The following FBXO36 variants were observed in gnomAD, a reference collection of about 807,000 sequenced individuals.
FBXO36 encodes F-box only protein 36.
Under a neutral mutation model 17.0 loss-of-function variants are expected in FBXO36, and 18 were observed. The ratio of observed to expected loss-of-function variants is 1.06; its 90% confidence interval spans 0.73 to 1.57. The LOEUF (loss-of-function observed/expected upper bound fraction) is 1.57, where lower values mean the gene tolerates loss of function less well. Ranked by LOEUF, FBXO36 falls within the 40% of genes most tolerant of loss-of-function variation. The pLI is 0.00. For synonymous variants in FBXO36, 83 were observed against 85.3 expected (o/e 0.97, Z 0.15); for missense variants, 229 against 221.9 (o/e 1.03, Z -0.20).
At chr2:229,975,092 A>G (rs955643838) in intron 1 of FBXO36, among the ~76,000 whole-genome samples, 1 of 152,238 alleles carries the variant, frequency 6.6e-6, no homozygotes, top group Non-Finnish European at 1.5e-5. Context: ...TGACACTGCC[A>G]TGAAATCAAC....
intron 3 of FBXO36, among the ~76,000 whole-genome samples, chr2:229,997,344 G>A (rs1215220862): frequency 1.3e-5 from 2 of 151,586 alleles, no homozygotes; most frequent in South Asian, 2.1e-4. Flanking sequence ...TTGGGAGGCC[G>A]AGGTGGGTGG....
intron 1 of FBXO36, among the ~76,000 whole-genome samples, chr2:229,966,872 T>A (rs367614515): frequency 1.3e-5 from 2 of 152,242 alleles, no homozygotes; most frequent in East Asian, 3.8e-4. Flanking sequence ...GAGCTCTTTT[T>A]TGGTTCCATA....
intron 1 of FBXO36, among the ~76,000 whole-genome samples, chr2:229,955,213 T>C (rs1420441751): frequency 6.6e-6 from 1 of 152,156 alleles, no homozygotes; most frequent in Non-Finnish European, 1.5e-5. Flanking sequence ...CTTTTCCTTG[T>C]TTATTTTTCT....
At chr2:229,927,328 A>G (rs982455336) in intron 1 of FBXO36, among the ~76,000 whole-genome samples, 1 of 152,144 alleles carries the variant, frequency 6.6e-6, no homozygotes, top group African/African-American at 2.4e-5. Context: ...TTCATGACCA[A>G]TTGGCAAGTT....
intron 2 of FBXO36, among the ~76,000 whole-genome samples, chr2:229,991,793 G>T (rs1050913533): frequency 5.3e-5 from 8 of 152,160 alleles, no homozygotes; most frequent in Non-Finnish European, 7.3e-5. Context: ...TGACTCTTGA[G>T]TGACAACACT....
intron 3 of FBXO36, among the ~76,000 whole-genome samples, chr2:229,999,416 C>T (rs1423758241): frequency 1.3e-5 from 2 of 150,992 alleles, no homozygotes; most frequent in East Asian, 1.9e-4. Context: ...TGTGAGCCAC[C>T]GCGCCCGGCC....
chr2:229,955,688 A>C (rs899784287), intron 1 of FBXO36, among the ~76,000 whole-genome samples: 1 of 152,216 alleles, frequency 6.6e-6, no homozygotes, highest in Admixed American at 6.5e-5. Flanking sequence ...TGATTGCTCA[A>C]GCACACCATT....
intron 1 of FBXO36, among the ~76,000 whole-genome samples, chr2:229,934,548 A>G (rs2076954743): frequency 6.6e-6 from 1 of 152,112 alleles, no homozygotes; most frequent in Admixed American, 6.5e-5. Flanking sequence ...TGTTTGGAAA[A>G]CCAGTCAGCA....
intron 3 of FBXO36, among the ~76,000 whole-genome samples, chr2:230,005,063 A>G (rs867983165): frequency 3.9e-5 from 6 of 152,280 alleles, no homozygotes; most frequent in Middle Eastern, 3.4e-3. Context: ...AAAAATTGCC[A>G]TAGGATATCA....
intron 1 of FBXO36, among the ~76,000 whole-genome samples, chr2:229,974,534 A>G (rs1418623477): frequency 6.6e-6 from 1 of 152,170 alleles, no homozygotes; most frequent in African/African-American, 2.4e-5. Context: ...GGTATGCAAG[A>G]TATGAGGCCA....
At chr2:229,963,437 C>CTTTATTCT (rs2077134557) in intron 1 of FBXO36, among the ~76,000 whole-genome samples, 1 of 138,230 alleles carries the variant, frequency 7.2e-6, no homozygotes, top group African/African-American at 2.8e-5. Context: ...CTTTGCATTT[C>CTTTATTCT]TTTTTTCTTT....
chr2:229,938,219 T>TTTC (rs2076976081), intron 1 of FBXO36, among the ~76,000 whole-genome samples: 2 of 134,040 alleles, frequency 1.5e-5, no homozygotes, highest in African/African-American at 5.7e-5. Flanking sequence ...CAACTTTCTT[T>TTTC]TTTTTTTTTT....
chr2:229,980,481 G>A (rs2077232837), intron 2 of FBXO36, among the ~76,000 whole-genome samples: 1 of 152,042 alleles, frequency 6.6e-6, no homozygotes, highest in South Asian at 2.1e-4. Context: ...CTGGAGATGG[G>A]GATTTGGGCC....
intron 1 of FBXO36, among the ~76,000 whole-genome samples, chr2:229,927,581 C>T (rs1019939880): frequency 6.6e-6 from 1 of 152,108 alleles, no homozygotes; most frequent in Non-Finnish European, 1.5e-5. Context: ...CTGGCAGATA[C>T]GGCCTCTTGC....
At chr2:229,972,124 G>A (rs1460717172) in intron 1 of FBXO36, among the ~76,000 whole-genome samples, 2 of 150,720 alleles carry the variant, frequency 1.3e-5, no homozygotes, top group East Asian at 3.9e-4. Flanking sequence ...CTCCCAAGTA[G>A]CTGGGATTAC....
chr2:229,939,292 C>T (rs754486346), intron 1 of FBXO36: 5 of 981,826 alleles, frequency 5.1e-6, no homozygotes, highest in African/African-American at 1.7e-5. Flanking sequence ...TTTTTTTGCA[C>T]ATTTTCTTGC....
intron 1 of FBXO36, among the ~76,000 whole-genome samples, chr2:229,945,781 G>A (rs1229707637): frequency 6.6e-6 from 1 of 151,852 alleles, no homozygotes; most frequent in East Asian, 1.9e-4. Context: ...CCAGCACTTT[G>A]GGAGGCTGAG....
At chr2:229,951,789 A>C (rs2077059090) in intron 1 of FBXO36, among the ~76,000 whole-genome samples, 1 of 152,226 alleles carries the variant, frequency 6.6e-6, no homozygotes, top group African/African-American at 2.4e-5. Flanking sequence ...GTTTAACTGA[A>C]GTCAGCAAGT....
intron 2 of FBXO36, among the ~76,000 whole-genome samples, chr2:229,982,926 A>G (rs2077248437): frequency 6.6e-6 from 1 of 152,074 alleles, no homozygotes. Flanking sequence ...ACAGTGATTT[A>G]TATTACTAAA....
Sources: allele counts gnomAD v4.1 joint callset (sites outside exome capture counted in the v4.1 genomes callset), GRCh38; gene constraint gnomAD v4.1.1; transcripts MANE v1.5; gene names NCBI Gene and HGNC (gene_info 2026-07-23, HGNC 2026-07-21).